Variants in CAMK2G observed in about 807,000 individuals in gnomAD.
CAMK2G encodes the protein calcium/calmodulin dependent protein kinase II gamma.
A neutral mutation model predicts 88.7 loss-of-function variants in CAMK2G; 23 were observed. The observed-to-expected ratio is 0.26, with a 90% CI of 0.19 to 0.37. CAMK2G has a LOEUF of 0.37. Ranked by LOEUF, CAMK2G falls within the 10% of genes least tolerant of loss-of-function variation. The pLI, the probability that CAMK2G is intolerant of heterozygous loss-of-function variation, is 1.00. For synonymous variants in CAMK2G, 263 were observed against 294.8 expected (o/e 0.89, Z 1.11); for missense variants, 476 against 780.8 (o/e 0.61, Z 4.65).
chr10:73,850,905 C>T (rs571472502), intron 5 of CAMK2G, among the ~76,000 whole-genome samples: 1 of 152,164 alleles, frequency 6.6e-6, no homozygotes, highest in Non-Finnish European at 1.5e-5. Flanking sequence ...GCAGGGAGCG[C>T]CTTCTGGCCA....
At chr10:73,857,680 G>A (rs2095141076) in intron 3 of CAMK2G, among the ~76,000 whole-genome samples, 1 of 152,164 alleles carries the variant, frequency 6.6e-6, no homozygotes. Context: ...GGAAGACAGA[G>A]TCTATTCATT....
intron 9 of CAMK2G, 47 bp from the exon 10 acceptor site, chr10:73,847,394 T>C (rs2134750180): frequency 1.2e-6 from 2 of 1,605,162 alleles, no homozygotes; most frequent in East Asian, 2.2e-5. Context: ...GTGAGCTTCA[T>C]ACCCTGCAAC....
At chr10:73,820,371 C>CA (rs2087548456) in intron 18 of CAMK2G, among the ~76,000 whole-genome samples, 2 of 150,104 alleles carry the variant, frequency 1.3e-5, no homozygotes, top group Non-Finnish European at 2.9e-5. Context: ...TCACGGTTGT[C>CA]AGATTAGTTC....
chr10:73,827,951 C>G, intron 15 of CAMK2G, 138 bp downstream of exon 15: 1 of 784,476 alleles, frequency 1.3e-6, no homozygotes, highest in South Asian at 1.5e-5. Flanking sequence ...CCTGGCAGGA[C>G]AGGCCACACC....
chr10:73,831,119 C>T (rs548190124), intron 14 of CAMK2G, among the ~76,000 whole-genome samples: 11 of 152,312 alleles, frequency 7.2e-5, no homozygotes, highest in South Asian at 2.1e-4. Context: ...GATGCAGCCA[C>T]AACATAAGTT....
intron 17 of CAMK2G, 57 bp downstream of exon 17, chr10:73,823,976 GGGACCCA>G: frequency 7.5e-7 from 1 of 1,338,128 alleles, no homozygotes; most frequent in Admixed American, 1.7e-5. Context: ...GTAGACCCCT[GGGACCCA>G]GCCCACCTGT....
chr10:73,865,977 G>C (rs890527904), intron 2 of CAMK2G, among the ~76,000 whole-genome samples: 2 of 150,294 alleles, frequency 1.3e-5, no homozygotes, highest in African/African-American at 4.9e-5. Flanking sequence ...CACCCCTGCC[G>C]GCCTTCAGCC....
intron 2 of CAMK2G, among the ~76,000 whole-genome samples, chr10:73,862,994 C>T (rs1232322768): frequency 2.0e-5 from 3 of 152,176 alleles, no homozygotes; most frequent in Non-Finnish European, 4.4e-5. Context: ...GATCCCACAG[C>T]AGGAAAGGGA....
In CAMK2G at chr10:73,825,302, G is replaced by C; in HGVS notation, c.1132C>G (p.Pro378Ala). Residue 378 changes from proline (P) to alanine (A), a missense_variant, in exon 16 of 23, where the codon CCC (proline) becomes GCC (alanine). By Grantham distance (27) the Pro-to-Ala change is conservative. Coordinates refer to ENST00000423381, the MANE Select transcript of CAMK2G (RefSeq NM_001367534.1). Reference sequence around the variant, plus strand: ...ACCATGGCCGTCTGCAAGGGCGCGGGCTCTTGGGCTGGGCTTACGAGACTG... The same window carrying C: ...ACCATGGCCGTCTGCAAGGGCGCGGCCTCTTGGGCTGGGCTTACGAGACTG... The part of the protein sequence containing the change: ...KNSLVSPAQE[P>A]APLQTAMEPQ... 1.2e-6 allele frequency: 2 copies of C among 1,613,876 alleles called. No individual in the cohort carries two copies. Among genetic ancestry groups the C allele is most frequent in the Non-Finnish European group, 8.5e-7 (1 of 1,179,732 alleles).
At chr10:73,847,077 C>A (rs973625986) in intron 10 of CAMK2G, 148 bp downstream of exon 10, 13 of 736,764 alleles carry the variant, frequency 1.8e-5, no homozygotes, top group Non-Finnish European at 2.9e-5. Flanking sequence ...ATTTATTGAC[C>A]CTGGCCCTCA....
chr10:73,867,257 C>A (rs1236908471), intron 2 of CAMK2G, among the ~76,000 whole-genome samples: 1 of 152,200 alleles, frequency 6.6e-6, no homozygotes, highest in Non-Finnish European at 1.5e-5. Context: ...CAAGAAATGC[C>A]CTATAGCGAA....
intron 20 of CAMK2G, 145 bp downstream of exon 20, chr10:73,817,334 G>A: frequency 3.7e-6 from 3 of 805,868 alleles, no homozygotes; most frequent in Admixed American, 2.6e-5. Context: ...CTACCTGGAA[G>A]GGCTCCCAGT....
chr10:73,837,192 G>A (rs777306669), intron 14 of CAMK2G: 5 of 474,518 alleles, frequency 1.1e-5, no homozygotes, highest in South Asian at 2.6e-5. Flanking sequence ...TGAAGCATCC[G>A]TGTAGAAGTC....
intron 14 of CAMK2G, chr10:73,836,913 A>T (rs148457037): frequency 6.4e-6 from 1 of 156,562 alleles, no homozygotes; most frequent in Non-Finnish European, 1.4e-5. Context: ...CAGTGGGAAC[A>T]AGCCGTGATC....
At chr10:73,837,062 C>A (rs889534549) in intron 14 of CAMK2G, 1 of 237,802 alleles carries the variant, frequency 4.2e-6, no homozygotes, top group East Asian at 9.3e-5. Context: ...AAGCCCTATA[C>A]CCTGCCTGAA....
intron 1 of CAMK2G, chr10:73,873,348 G>A (rs1466204386): frequency 1.9e-5 from 26 of 1,342,754 alleles, no homozygotes; most frequent in Non-Finnish European, 2.2e-5. Flanking sequence ...TCCACCTCAG[G>A]CTGCACATCA....
intron 12 of CAMK2G, among the ~76,000 whole-genome samples, chr10:73,840,426 T>C (rs1003502777): frequency 5.3e-5 from 8 of 152,160 alleles, no homozygotes; most frequent in Admixed American, 5.2e-4. Context: ...ATTGCATCCA[T>C]AGACACCTCT....
chr10:73,863,526 T>G (rs942339456), intron 2 of CAMK2G, among the ~76,000 whole-genome samples: 1 of 152,226 alleles, frequency 6.6e-6, no homozygotes, highest in Non-Finnish European at 1.5e-5. Context: ...GCCCTCTCTC[T>G]GGGCACAAAC....
chr10:73,850,225 G>T (rs2094521670), intron 5 of CAMK2G, among the ~76,000 whole-genome samples: 1 of 152,172 alleles, frequency 6.6e-6, no homozygotes, highest in East Asian at 1.9e-4. Flanking sequence ...TTGAACTCCT[G>T]AGCTCAAGTG....
Sources: gnomAD v4.1 joint callset for allele counts (sites outside exome capture counted in the v4.1 genomes callset) on GRCh38, gnomAD v4.1.1 for gene constraint, MANE v1.5 for transcripts, NCBI Gene and HGNC (gene_info 2026-07-23, HGNC 2026-07-21) for gene names.